IFFO2: variants seen among roughly 807,000 people sequenced by gnomAD.
IFFO2 encodes intermediate filament family orphan 2.
A neutral mutation model predicts 53.5 loss-of-function variants in IFFO2; 19 were observed. That is an observed-to-expected ratio of 0.36 (90% confidence interval 0.25 to 0.52). The LOEUF (loss-of-function observed/expected upper bound fraction) is 0.52, where lower values mean the gene tolerates loss of function less well. Ranked by LOEUF, IFFO2 falls within the 20% of genes least tolerant of loss-of-function variation. The probability of loss-of-function intolerance (pLI) is 0.94; values close to 1 mark genes in which losing one functional copy is unlikely to be tolerated. For synonymous variants in IFFO2, 303 were observed against 313.6 expected, an observed-to-expected ratio of 0.97 and a Z score of 0.36; for missense variants, 570 against 727.4, an observed-to-expected ratio of 0.78 and a Z score of 2.49.
chr1:18,914,111 G>A (rs530003490), intron 5 of IFFO2, among the ~76,000 whole-genome samples: 13 of 152,350 alleles, frequency 8.5e-5, no homozygotes, highest in South Asian at 4.1e-4. Flanking sequence ...GATTACAGGC[G>A]TGAGCCACCG....
intron 1 of IFFO2, among the ~76,000 whole-genome samples, chr1:18,950,421 C>A (rs1019870272): frequency 1.6e-4 from 25 of 152,204 alleles, no homozygotes; most frequent in African/African-American, 6.0e-4. Context: ...TAACACCAGA[C>A]CTCATTTGTT....
intron 1 of IFFO2, among the ~76,000 whole-genome samples, chr1:18,939,053 C>A (rs1194494278): frequency 6.6e-6 from 1 of 152,218 alleles, no homozygotes; most frequent in Admixed American, 6.5e-5. Flanking sequence ...GCCTCCTGTC[C>A]TCTCCCCTTG....
chr1:18,909,610 A>AG (rs577355998), intron 8 of IFFO2, among the ~76,000 whole-genome samples: 76 of 152,118 alleles, frequency 5.0e-4, no homozygotes, highest in African/African-American at 1.7e-3. Flanking sequence ...TGGTTTTATA[A>AG]GGGGGGGTTT....
chr1:18,924,437 C>T (rs1048853585), intron 1 of IFFO2, among the ~76,000 whole-genome samples: 1 of 152,182 alleles, frequency 6.6e-6, no homozygotes, highest in African/African-American at 2.4e-5. Flanking sequence ...GAGGGACCAA[C>T]AGAAACAAAG....
chr1:18,935,205 G>A (rs947953221), intron 1 of IFFO2, among the ~76,000 whole-genome samples: 4 of 152,136 alleles, frequency 2.6e-5, no homozygotes, highest in Admixed American at 6.5e-5. Flanking sequence ...GGAAGACTCC[G>A]CTATAAATAC....
chr1:18,922,453 G>A (rs150376559), intron 1 of IFFO2, among the ~76,000 whole-genome samples: 54 of 152,238 alleles, frequency 3.5e-4, no homozygotes, highest in Non-Finnish European at 2.1e-4. Flanking sequence ...GTGGAGAGCC[G>A]GTTACGTCAC....
chr1:18,941,964 A>T (rs1412702215), intron 1 of IFFO2, among the ~76,000 whole-genome samples: 2 of 151,996 alleles, frequency 1.3e-5, no homozygotes. Context: ...CTTCCCAGTC[A>T]CCCTGTGCTG....
intron 1 of IFFO2, among the ~76,000 whole-genome samples, chr1:18,925,633 T>C (rs1936272719): frequency 6.6e-6 from 1 of 152,180 alleles, no homozygotes; most frequent in Non-Finnish European, 1.5e-5. Context: ...AGGTCGGGGG[T>C]CCAGTCCTTC....
chr1:18,955,668 C>A lies in IFFO2; in HGVS notation c.665G>T (p.Arg222Met). The A allele has an allele frequency of 6.3e-7, 1 of 1,577,942 alleles. No individual in the cohort carries two copies. The change falls in exon 1 of 9, where the codon AGG (arginine) becomes ATG (methionine). Residue 222 changes from arginine (R) to methionine (M), a missense_variant and splice_region_variant. Physicochemically the swap from Arg to Met is moderately conservative, Grantham distance 91. Transcript: ENST00000455833. ...VKRERDEYKR[R>M]WEEELAKRMN... Reference sequence around the variant, plus strand: ...CGGCGGGGGAGGGGCGGCCACTCACCTCCGCTTATACTCGTCGCGCTCGCG... The same window carrying A: ...CGGCGGGGGAGGGGCGGCCACTCACATCCGCTTATACTCGTCGCGCTCGCG...
intron 1 of IFFO2, among the ~76,000 whole-genome samples, chr1:18,946,929 TTTA>T (rs1466729536): frequency 6.6e-6 from 1 of 152,182 alleles, no homozygotes; most frequent in Non-Finnish European, 1.5e-5. Flanking sequence ...CTAACACATG[TTTA>T]TTGTGTTCCT....
chr1:18,906,776 A>T lies in IFFO2; in HGVS notation c.*1785T>A, dbSNP rs1935955171. The stretch of plus-strand genomic sequence containing the variant: ...AAGAGATGCTGACTATGGAAGTGTC[A>T]CAGCCAGACTGCCACAGGGGACCCG... On this transcript the variant is annotated 3_prime_UTR_variant, in exon 9 of 9. Coordinates refer to ENST00000455833, the MANE Select transcript of IFFO2 (RefSeq NM_001136265.2). 1 of 152,194 alleles carries T rather than the reference A, an allele frequency of 6.6e-6. No individual in the cohort carries two copies. The highest frequency in any genetic ancestry group is 2.4e-5 in the African/African-American group (1 of 41,452). The allele number at this position is 152,194 out of a possible 1,614,324, so 9.4% of individuals were successfully genotyped here.
rs1231364722 is a variant in IFFO2, at chr1:18,911,436, G to C, written c.1265C>G (p.Ser422Cys). 6.6e-7 allele frequency: 1 copy of C among 1,521,274 alleles called. No homozygotes were observed. 94.2% of individuals were successfully genotyped at this position (1,521,274 alleles called of 1,614,324 possible). The change falls in exon 7 of 9, where the codon TCC (serine) becomes TGC (cysteine). Residue 422 changes from serine to cysteine, a missense_variant. By Grantham distance (112) the Ser-to-Cys change is moderately radical (BLOSUM62 -1). Coordinates refer to ENST00000455833, the MANE Select transcript of IFFO2 (RefSeq NM_001136265.2). The stretch of plus-strand genomic sequence containing the variant: ...CTCCTTGTCTCTCGTCTTGAAGAAG[G>C]ATTCGGTCTCATGGATCAAGTTGCC... Reference protein sequence around the residue: ...NLGNLIHETESFFKTRDKEYQ... With the variant: ...NLGNLIHETECFFKTRDKEYQ...
rs1185822198 is a variant in IFFO2, at chr1:18,912,066, A to G, written c.1121T>C (p.Phe374Ser). Residue 374 changes from phenylalanine (F) to serine (S), a missense_variant, in exon 6 of 9, where the codon TTT becomes TCT. By Grantham distance (155) the Phe-to-Ser change is radical. Coordinates refer to ENST00000455833, the MANE Select transcript of IFFO2 (RefSeq NM_001136265.2). ...MFNQLRETFD[F>S]DDDCDSLTWE... The stretch of plus-strand genomic sequence containing the variant: ...CGTCAGGCTGTCACAGTCGTCGTCA[A>G]AGTCAAAGGTCTCCCGCCTGTGGGG... 6.4e-7 allele frequency: 1 copy of G among 1,551,570 alleles called. No homozygotes were observed. Among genetic ancestry groups the G allele is most frequent in the East Asian group, 2.4e-5 (1 of 40,926 alleles).
chr1:18,942,083 G>A (rs1374280291), intron 1 of IFFO2, among the ~76,000 whole-genome samples: 2 of 152,212 alleles, frequency 1.3e-5, no homozygotes, highest in Non-Finnish European at 2.9e-5. Flanking sequence ...CAGCCAAAGC[G>A]GGAGGGAGCA....
At chr1:18,951,275 T>C (rs879750739) in intron 1 of IFFO2, among the ~76,000 whole-genome samples, 8 of 152,154 alleles carry the variant, frequency 5.3e-5, no homozygotes, top group Admixed American at 1.3e-4. Context: ...CAAGGCGCCC[T>C]GCTATGGACT....
At chr1:18,938,400 C>T (rs577224592) in intron 1 of IFFO2, among the ~76,000 whole-genome samples, 1 of 152,332 alleles carries the variant, frequency 6.6e-6, no homozygotes, top group East Asian at 1.9e-4. Flanking sequence ...CCGGGCTTGG[C>T]TGAGCTGCAC....
In IFFO2 at chr1:18,928,092, TC is replaced by T. The variant is rs1351616156; in HGVS notation, c.666-6972del. ...GGATGCCTTGCCTCCTGACTTTCTC[TC>T]CCACATGGCACGCTGCAAGCCCGTC... On this transcript the variant is annotated intron_variant, in intron 1 of 8. Coordinates refer to ENST00000455833, the MANE Select transcript of IFFO2 (RefSeq NM_001136265.2). The surrounding 1 kb of genome is among the most constrained non-coding windows in gnomAD (Gnocchi z 4.9). 1.3e-5 allele frequency among the ~76,000 whole-genome samples: 2 copies of T among 152,056 alleles called. No homozygotes were observed. The highest frequency in any genetic ancestry group is 1.5e-5 in the Non-Finnish European group (1 of 68,000).
At chr1:18,925,853 T>TGGA (rs1193286222) in intron 1 of IFFO2, among the ~76,000 whole-genome samples, 3 of 17,704 alleles carry the variant, frequency 1.7e-4, no homozygotes, top group Admixed American at 7.8e-4. Flanking sequence ...GATGGATGGA[T>TGGA]TGGTTGGATG....
At chr1:18,946,366 C>T (rs889923637) in intron 1 of IFFO2, among the ~76,000 whole-genome samples, 1 of 151,072 alleles carries the variant, frequency 6.6e-6, no homozygotes, top group Non-Finnish European at 1.5e-5. Flanking sequence ...AAGGTTGGAA[C>T]TGGAACCTGA....
Sources: gnomAD v4.1 joint callset for allele counts (sites outside exome capture counted in the v4.1 genomes callset) on GRCh38, gnomAD v4.1.1 for gene constraint, Gnocchi (gnomAD v3.1) non-coding constraint, MANE v1.5 for transcripts, NCBI Gene and HGNC (gene_info 2026-07-23, HGNC 2026-07-21) for gene names.